The following MAN1A1 variants were observed in gnomAD, a reference collection of about 807,000 sequenced individuals.
The protein encoded by MAN1A1 is mannosidase alpha class 1A member 1, also known as mannosyl-oligosaccharide 1,2-alpha-mannosidase IA.
In MAN1A1, 29 loss-of-function variants were observed where a neutral mutation model predicts 70.8. The ratio of observed to expected loss-of-function variants is 0.41; its 90% CI spans 0.31 to 0.56. The LOEUF (loss-of-function observed/expected upper bound fraction) is 0.56, where lower values mean the gene tolerates loss of function less well. Among genes scored for constraint, MAN1A1 ranks in the 20% least tolerant of loss-of-function variants. The pLI is 0.29. For synonymous variants in MAN1A1, 349 were observed against 330.1 expected, an observed-to-expected ratio of 1.06 and a Z score of -0.62; for missense variants, 747 against 841.3, an observed-to-expected ratio of 0.89 and a Z score of 1.39.
chr6:119,314,267 G>A (rs1772791675), intron 2 of MAN1A1, among the ~76,000 whole-genome samples: 2 of 152,230 alleles, frequency 1.3e-5, no homozygotes, highest in South Asian at 4.1e-4. Context: ...AGCATTATGT[G>A]TAAGCTTCTC....
rs1772411335 is a variant in MAN1A1 at position 119,302,238 on chromosome 6, C to T, written c.701-135G>A. 1.6e-5 allele frequency: 8 copies of T among 507,648 alleles called. No homozygotes were observed. The East Asian group carries it at 2.0e-4, about 13-fold the overall frequency. The allele number at this position is 507,648 out of a possible 1,614,324, so 31.4% of individuals were successfully genotyped here. A position where few individuals can be genotyped will look rare whatever the true frequency, so the allele number is the denominator to read the frequency against. On this transcript the variant is annotated intron_variant, in intron 3 of 12. Transcript: ENST00000368468. ...ATAATATTAAACATAGTCTAAAATT[C>T]TTTCAATGAAAGTATAAAACAGCAC...
intron 5 of MAN1A1, among the ~76,000 whole-genome samples, chr6:119,253,671 C>T (rs1775386154): frequency 6.6e-6 from 1 of 152,080 alleles, no homozygotes; most frequent in South Asian, 2.1e-4. Flanking sequence ...TGTAATGGTT[C>T]CTATTTGATT....
At chr6:119,206,679 T>G (rs570434380) in intron 6 of MAN1A1, among the ~76,000 whole-genome samples, 190 of 152,354 alleles carry the variant, frequency 1.2e-3, no homozygotes, top group African/African-American at 3.8e-3. Context: ...CCAAATAGGA[T>G]GAATAGCTAC....
chr6:119,259,941 G>C (rs957542665), intron 5 of MAN1A1, among the ~76,000 whole-genome samples: 11 of 151,990 alleles, frequency 7.2e-5, no homozygotes, highest in Non-Finnish European at 1.5e-4. Context: ...TGTCTACCCA[G>C]AAATAACTAT....
At chr6:119,231,117 G>A (rs2114280730) in intron 6 of MAN1A1, among the ~76,000 whole-genome samples, 1 of 152,296 alleles carries the variant, frequency 6.6e-6, no homozygotes, top group East Asian at 1.9e-4. Flanking sequence ...TTAAAGACAA[G>A]CCCTGAAGCT....
At position 119,312,231 on chromosome 6, in the gene MAN1A1, C is replaced by T. The variant is rs540415051; in HGVS notation, c.604-5239G>A. On this transcript the variant is annotated intron_variant, in intron 2 of 12. Transcript: ENST00000368468. ...ATGTGCCATTTCTCTTAAAACTACA[C>T]TTAGGGTTGATGCTTTGAAAAACAG... Among the ~76,000 whole-genome samples, 12 of 152,260 alleles carry T rather than the reference C, an allele frequency of 7.9e-5. No individual in the cohort carries two copies. In the South Asian group the frequency reaches 2.1e-3, roughly 26 times the overall value.
chr6:119,217,203 A>T (rs1198799911), intron 6 of MAN1A1, among the ~76,000 whole-genome samples: 2 of 152,242 alleles, frequency 1.3e-5, no homozygotes, highest in Admixed American at 1.3e-4. Context: ...TTTTAGGTTA[A>T]AAGTAACACC....
chr6:119,298,241 T>TA (rs1389034657), intron 4 of MAN1A1, among the ~76,000 whole-genome samples: 2 of 152,214 alleles, frequency 1.3e-5, no homozygotes, highest in Admixed American at 1.3e-4. Context: ...TTGAACTGAA[T>TA]ACAAGCTCCT....
intron 2 of MAN1A1, among the ~76,000 whole-genome samples, chr6:119,347,318 T>C (rs1421291031): frequency 1.3e-5 from 2 of 152,210 alleles, no homozygotes; most frequent in Non-Finnish European, 2.9e-5. Context: ...TCTCTGAAAA[T>C]GGGATCAGGG....
Position 119,302,027 on chromosome 6 carries a change from T to A in MAN1A1, c.777A>T (p.Glu259Asp). 4.4e-6 allele frequency: 7 copies of A among 1,608,134 alleles called. No homozygotes were observed. The highest frequency in any genetic ancestry group is 1.7e-6 in the Non-Finnish European group (2 of 1,175,398). ...AATTTTCTTCAACCCATGATTTTGC[T>A]TCTTCAAATTCATGTTTCATTTCCA... ...FIMEMKHEFEEAKSWVEENLD... is the reference protein window; with the variant it reads ...FIMEMKHEFEDAKSWVEENLD... The change falls in exon 4 of 13, where the codon GAA becomes GAT. Residue 259 changes from glutamate (E) to aspartate (D), a missense_variant. Transcript: ENST00000368468.
chr6:119,348,458 C>T lies in MAN1A1; in HGVS notation c.603+5G>A, dbSNP rs1773797698. 6.3e-7 allele frequency: 1 copy of T among 1,587,690 alleles called. No homozygotes were observed. The highest frequency in any genetic ancestry group is 1.7e-5 in the Admixed American group (1 of 57,288). On this transcript the variant is annotated splice_donor_5th_base_variant and intron_variant, in intron 2 of 12. Transcript: ENST00000368468. ...CGGGAGGGATTTCTGGCGCGGCCCA[C>T]TCACCTCTTTGATCTTTGCCCTTTT...
At chr6:119,324,357 T>C (rs1032974881) in intron 2 of MAN1A1, among the ~76,000 whole-genome samples, 1 of 152,214 alleles carries the variant, frequency 6.6e-6, no homozygotes, top group African/African-American at 2.4e-5. Flanking sequence ...AACTGACTGC[T>C]TATGTTTAGT....
At chr6:119,310,567 T>C (rs1934385956) in intron 2 of MAN1A1, among the ~76,000 whole-genome samples, 1 of 152,164 alleles carries the variant, frequency 6.6e-6, no homozygotes, top group African/African-American at 2.4e-5. Flanking sequence ...TGTGTAGTTC[T>C]CACTAATGGA....
intron 6 of MAN1A1, among the ~76,000 whole-genome samples, chr6:119,219,149 T>C (rs767966173): frequency 6.6e-6 from 1 of 152,354 alleles, no homozygotes; most frequent in African/African-American, 2.4e-5. Context: ...TTGGCATTTC[T>C]TTCTCTTTTC....
intron 5 of MAN1A1, among the ~76,000 whole-genome samples, chr6:119,249,275 T>C (rs1582734800): frequency 6.6e-6 from 1 of 152,076 alleles, no homozygotes; most frequent in Non-Finnish European, 1.5e-5. Context: ...GGCCAAAACA[T>C]GGAGGGCCAC....
chr6:119,322,801 A>G (rs754728123), intron 2 of MAN1A1, among the ~76,000 whole-genome samples: 17 of 152,238 alleles, frequency 1.1e-4, no homozygotes, highest in Non-Finnish European at 2.4e-4. Context: ...ATTAGGAAGT[A>G]GCAAACCAAG....
Position 119,348,606 on chromosome 6 carries a change from T to C in MAN1A1, c.460A>G (p.Lys154Glu), listed in dbSNP as rs1448023136. 2.5e-6 allele frequency: 4 copies of C among 1,613,908 alleles called. No individual in the cohort carries two copies. The highest frequency in any genetic ancestry group is 2.2e-5 in the East Asian group (1 of 44,832). ...EEIQRDILLE[K>E]KKVAQDQLRD... Reference sequence around the variant, plus strand: ...AGCTGGTCCTGGGCCACCTTCTTCTTCTCCAGTAGGATGTCTCTTTGGATC... The same window carrying C: ...AGCTGGTCCTGGGCCACCTTCTTCTCCTCCAGTAGGATGTCTCTTTGGATC... Residue 154 changes from lysine (K) to glutamate (E), a missense_variant, in exon 2 of 13, where the codon AAG becomes GAG. By Grantham distance (56) the Lys-to-Glu change is moderately conservative (BLOSUM62 1). Coordinates refer to ENST00000368468, the MANE Select transcript of MAN1A1 (RefSeq NM_005907.4).
At chr6:119,201,208 G>T in intron 8 of MAN1A1, 46 bp downstream of exon 8, 3 of 1,386,536 alleles carry the variant, frequency 2.2e-6, no homozygotes, top group Non-Finnish European at 2.1e-6. Context: ...CTCTCCACGA[G>T]TACAGTACCA....
intron 6 of MAN1A1, among the ~76,000 whole-genome samples, chr6:119,240,667 T>C (rs1411996076): frequency 6.6e-6 from 1 of 152,208 alleles, no homozygotes; most frequent in Non-Finnish European, 1.5e-5. Flanking sequence ...GTTCTTCAAA[T>C]TCCTACCGCC....
Sources: gnomAD v4.1 joint callset for allele counts (sites outside exome capture counted in the v4.1 genomes callset) on GRCh38, gnomAD v4.1.1 for gene constraint, MANE v1.5 for transcripts, NCBI Gene and HGNC (gene_info 2026-07-23, HGNC 2026-07-21) for gene names.